The following NPIPA6 variants were observed in gnomAD, a reference collection of about 807,000 sequenced individuals.
NPIPA6 encodes nuclear pore complex-interacting protein family member A6.
the NPIPA6 span, among the ~76,000 whole-genome samples, chr16:16,343,374 A>G: frequency 1.4e-5 from 1 of 74,040 alleles, no homozygotes; most frequent in Admixed American, 1.2e-4. Flanking sequence ...TACAGGCGTG[A>G]GCTACCGCAC....
At chr16:16,338,007 G>GCATGC in the NPIPA6 span, among the ~76,000 whole-genome samples, 1 of 73,078 alleles carries the variant, frequency 1.4e-5, no homozygotes, top group African/African-American at 6.8e-5. Context: ...GTATACAGAT[G>GCATGC]CATGCCATGC....
the NPIPA6 span, among the ~76,000 whole-genome samples, chr16:16,343,594 C>G: frequency 8.3e-6 from 1 of 120,012 alleles, no homozygotes; most frequent in East Asian, 2.8e-4. Flanking sequence ...CAGCGTTTCT[C>G]CATGTTGGTG....
the NPIPA6 span, among the ~76,000 whole-genome samples, chr16:16,343,390 C>CTATA: frequency 1.1e-3 from 45 of 40,794 alleles, no homozygotes; most frequent in African/African-American, 5.2e-3. Context: ...CGCACCTGGC[C>CTATA]TATATATTTT....
At chr16:16,333,767 A>AG in the NPIPA6 span, 3 of 639,486 alleles carry the variant, frequency 4.7e-6, 1 homozygote, top group Non-Finnish European at 8.4e-6. Context: ...CGCTGAGGTG[A>AG]GGGCTCTACT....
the NPIPA6 span, among the ~76,000 whole-genome samples, chr16:16,337,226 C>CTT: frequency 1.9e-5 from 2 of 107,972 alleles, no homozygotes; most frequent in Admixed American, 8.8e-5. Flanking sequence ...GGTTTGATGA[C>CTT]TTTTTTTTTT....
the NPIPA6 span, among the ~76,000 whole-genome samples, chr16:16,337,242 T>A: frequency 5.3e-5 from 6 of 112,584 alleles, no homozygotes; most frequent in East Asian, 3.0e-4. Flanking sequence ...TTTTTTTTTT[T>A]AAGACAGAGT....
chr16:16,343,713 T>TTG, the NPIPA6 span, among the ~76,000 whole-genome samples: 1,518 of 81,026 alleles, frequency 0.019, 54 homozygotes, highest in African/African-American at 0.034. Context: ...TTCTTGTGTG[T>TTG]TGTGTGTGTG....
At chr16:16,343,741 GACAGAGTCTCAT>G in the NPIPA6 span, among the ~76,000 whole-genome samples, 25 of 74,198 alleles carry the variant, frequency 3.4e-4, no homozygotes, top group East Asian at 1.4e-3. Context: ...GTGTGTGTGT[GACAGAGTCTCAT>G]TCTGTCACTC....
the NPIPA6 span, among the ~76,000 whole-genome samples, chr16:16,343,713 T>TTGTGTG: frequency 2.6e-4 from 21 of 81,562 alleles, no homozygotes; most frequent in South Asian, 1.4e-3. Context: ...TTCTTGTGTG[T>TTGTGTG]TGTGTGTGTG....
At chr16:16,338,466 A>C in the NPIPA6 span, among the ~76,000 whole-genome samples, 1 of 88,006 alleles carries the variant, frequency 1.1e-5, no homozygotes, top group African/African-American at 5.7e-5. Flanking sequence ...GCTCACTGCA[A>C]CCTCTACCTC....
chr16:16,336,709 G>A, the NPIPA6 span: 1 of 24,100 alleles, frequency 4.1e-5, no homozygotes, highest in South Asian at 2.7e-4. Context: ...ATGCGGGTGC[G>A]GTGGCTGCTC....
chr16:16,343,721 G>A, the NPIPA6 span, among the ~76,000 whole-genome samples: 1 of 78,702 alleles, frequency 1.3e-5, no homozygotes, highest in Non-Finnish European at 2.5e-5. Flanking sequence ...TGTTGTGTGT[G>A]TGTGTGTGTG....
chr16:16,343,240 G>A, the NPIPA6 span, among the ~76,000 whole-genome samples: 2 of 145,644 alleles, frequency 1.4e-5, no homozygotes, highest in African/African-American at 5.0e-5. Flanking sequence ...CTACAGGCGT[G>A]CGCCACCATG....
chr16:16,334,026 AG>A, the NPIPA6 span: 18 of 329,732 alleles, frequency 5.5e-5, no homozygotes, highest in African/African-American at 8.0e-4. Context: ...TCGGAAGCCC[AG>A]GGTGTCCGTG....
chr16:16,336,627 T>TCCCTC, the NPIPA6 span: 1 of 173,382 alleles, frequency 5.8e-6, no homozygotes, highest in Non-Finnish European at 1.1e-5. Flanking sequence ...CCCGTCCCCT[T>TCCCTC]CCCTCCCCCC....
At chr16:16,333,383 CAG>C in the NPIPA6 span, among the ~76,000 whole-genome samples, 1 of 96,686 alleles carries the variant, frequency 1.0e-5, no homozygotes, top group Non-Finnish European at 2.1e-5. Flanking sequence ...GCCTGGGTGA[CAG>C]AGCGAGACTC....
chr16:16,338,464 C>T, the NPIPA6 span, among the ~76,000 whole-genome samples: 7 of 89,040 alleles, frequency 7.9e-5, no homozygotes, highest in Non-Finnish European at 1.5e-4. Context: ...TGGCTCACTG[C>T]AACCTCTACC....
chr16:16,343,401 T>A, the NPIPA6 span, among the ~76,000 whole-genome samples: 7 of 51,552 alleles, frequency 1.4e-4, no homozygotes, highest in East Asian at 6.0e-4. Flanking sequence ...TATATATTTT[T>A]TTTTTTTTTT....
chr16:16,337,104 T>G, the NPIPA6 span, among the ~76,000 whole-genome samples: 1 of 60,810 alleles, frequency 1.6e-5, no homozygotes, highest in Non-Finnish European at 3.0e-5. Context: ...GAGGATCGCT[T>G]GGGCCCAGGA....
Sources: gnomAD v4.1 joint callset for allele counts (sites outside exome capture counted in the v4.1 genomes callset) on GRCh38, gnomAD v4.1.1 for gene constraint, MANE v1.5 for transcripts, NCBI Gene and HGNC (gene_info 2026-07-23, HGNC 2026-07-21) for gene names.